Variants in KCNMB2 observed in about 807,000 individuals in gnomAD.
The protein encoded by KCNMB2 is calcium-activated potassium channel subunit beta-2.
KCNMB2 carries 9 observed loss-of-function variants against 24.5 expected under a neutral mutation model. That is an observed-to-expected ratio of 0.37 (90% CI 0.22 to 0.64). The LOEUF (loss-of-function observed/expected upper bound fraction) is 0.64. Among genes scored for constraint, KCNMB2 ranks in the 30% least tolerant of loss-of-function variants. KCNMB2 has a pLI of 0.63. For synonymous variants in KCNMB2, 109 were observed against 104.4 expected (o/e 1.04, Z -0.27); for missense variants, 226 against 284.3 (o/e 0.79, Z 1.47).
At chr3:178,575,156 A>T (rs1716946773) in intron 1 of KCNMB2, among the ~76,000 whole-genome samples, 1 of 152,194 alleles carries the variant, frequency 6.6e-6, no homozygotes, top group Admixed American at 6.5e-5. Context: ...AATAAACAAG[A>T]TAAATTCAAC....
chr3:178,781,854 T>C (rs1248343733), intron 1 of KCNMB2, among the ~76,000 whole-genome samples: 3 of 150,298 alleles, frequency 2.0e-5, no homozygotes, highest in South Asian at 4.3e-4. Flanking sequence ...GTTAGTTACA[T>C]ATGTATACAT....
intron 1 of KCNMB2, among the ~76,000 whole-genome samples, chr3:178,805,391 C>T (rs1252129794): frequency 1.3e-5 from 2 of 152,124 alleles, no homozygotes; most frequent in Non-Finnish European, 2.9e-5. Context: ...TCAAACTCTC[C>T]GTGGTACAGA....
intron 1 of KCNMB2, among the ~76,000 whole-genome samples, chr3:178,712,120 C>T (rs12631102): frequency 0.14 from 21,067 of 152,102 alleles, 1,769 homozygotes; most frequent in Admixed American, 0.22. Context: ...AAGGTCTCTA[C>T]CTTAGCATGC....
At chr3:178,836,474 C>T (rs1715234753) in intron 4 of KCNMB2, among the ~76,000 whole-genome samples, 2 of 152,020 alleles carry the variant, frequency 1.3e-5, no homozygotes, top group African/African-American at 4.8e-5. Context: ...TGGGTCCATC[C>T]CTGTGGTTTT....
intron 2 of KCNMB2, among the ~76,000 whole-genome samples, chr3:178,814,007 T>G (rs1400822727): frequency 1.3e-5 from 2 of 152,122 alleles, no homozygotes; most frequent in African/African-American, 4.8e-5. Context: ...GTTGTTTTTC[T>G]AATCGTAGAC....
chr3:178,819,359 CA>C (rs1446012199), intron 2 of KCNMB2, among the ~76,000 whole-genome samples: 4 of 152,282 alleles, frequency 2.6e-5, no homozygotes, highest in Admixed American at 6.5e-5. Flanking sequence ...AAAACATTTA[CA>C]GGGGGGCCAG....
At chr3:178,588,518 T>C (rs966714652) in intron 1 of KCNMB2, among the ~76,000 whole-genome samples, 2 of 152,146 alleles carry the variant, frequency 1.3e-5, no homozygotes, top group East Asian at 1.9e-4. Flanking sequence ...AGAAAGGTGA[T>C]CTCTGTTGAT....
At chr3:178,621,274 C>T (rs1718911491) in intron 1 of KCNMB2, among the ~76,000 whole-genome samples, 1 of 151,618 alleles carries the variant, frequency 6.6e-6, no homozygotes, top group African/African-American at 2.4e-5. Context: ...AATTCCTGCT[C>T]CTCTTATTCT....
chr3:178,771,797 C>T (rs768017769), intron 1 of KCNMB2, among the ~76,000 whole-genome samples: 1 of 152,106 alleles, frequency 6.6e-6, no homozygotes, highest in Non-Finnish European at 1.5e-5. Flanking sequence ...CTTACCTCAC[C>T]ACCAGATCCC....
chr3:178,612,318 A>G (rs1718509847), intron 1 of KCNMB2, among the ~76,000 whole-genome samples: 1 of 152,184 alleles, frequency 6.6e-6, no homozygotes, highest in South Asian at 2.1e-4. Flanking sequence ...TTCTTCTGTC[A>G]GGAAGATCCA....
chr3:178,598,569 A>C (rs752062336), intron 1 of KCNMB2, among the ~76,000 whole-genome samples: 19 of 152,014 alleles, frequency 1.2e-4, no homozygotes, highest in Non-Finnish European at 2.2e-4. Flanking sequence ...GGTTAGAAGA[A>C]AGGGGGAAGG....
chr3:178,718,822 A>G (rs1388277349), intron 1 of KCNMB2, among the ~76,000 whole-genome samples: 1 of 152,144 alleles, frequency 6.6e-6, no homozygotes, highest in African/African-American at 2.4e-5. Context: ...TGACCTAAGC[A>G]AATATATGGT....
chr3:178,687,188 T>G (rs1307129952), intron 1 of KCNMB2, among the ~76,000 whole-genome samples: 2 of 152,064 alleles, frequency 1.3e-5, no homozygotes, highest in Non-Finnish European at 2.9e-5. Context: ...GCTGCAGCCA[T>G]GACATTTTCC....
At chr3:178,664,741 G>A (rs1287860431) in intron 1 of KCNMB2, among the ~76,000 whole-genome samples, 1 of 151,866 alleles carries the variant, frequency 6.6e-6, no homozygotes, top group African/African-American at 2.4e-5. Flanking sequence ...GAAGGAGGGA[G>A]GAAGGGAAAA....
At chr3:178,819,204 CCA>C in intron 2 of KCNMB2, among the ~76,000 whole-genome samples, 1 of 152,170 alleles carries the variant, frequency 6.6e-6, no homozygotes, top group Non-Finnish European at 1.5e-5. Flanking sequence ...AAAGTAATGG[CCA>C]ATGTGCCTGA....
chr3:178,722,276 A>T (rs761057665), intron 1 of KCNMB2, among the ~76,000 whole-genome samples: 1 of 152,218 alleles, frequency 6.6e-6, no homozygotes, highest in Non-Finnish European at 1.5e-5. Flanking sequence ...TTGTTCCAAT[A>T]GCCTTGTTGA....
chr3:178,831,489 C>G (rs191433822), intron 4 of KCNMB2, among the ~76,000 whole-genome samples: 1 of 152,242 alleles, frequency 6.6e-6, no homozygotes, highest in African/African-American at 2.4e-5. Flanking sequence ...GATATGGAAT[C>G]AACCTAAATG....
intron 1 of KCNMB2, chr3:178,748,977 G>A (rs1723756323): frequency 2.0e-5 from 3 of 152,146 alleles, no homozygotes; most frequent in African/African-American, 4.8e-5. Flanking sequence ...GCAAATCAAT[G>A]GCTTGTAATC....
At chr3:178,766,221 C>CAG (rs1712113588) in intron 1 of KCNMB2, among the ~76,000 whole-genome samples, 1 of 152,090 alleles carries the variant, frequency 6.6e-6, no homozygotes, top group African/African-American at 2.4e-5. Flanking sequence ...TGAGATAGGG[C>CAG]CTTTCTCTGT....
Sources: allele counts gnomAD v4.1 joint callset (sites outside exome capture counted in the v4.1 genomes callset), GRCh38; gene constraint gnomAD v4.1.1; transcripts MANE v1.5; gene names NCBI Gene and HGNC (gene_info 2026-07-23, HGNC 2026-07-21).